Variants in PPIP5K2 observed in about 807,000 individuals in gnomAD.
PPIP5K2 encodes the protein inositol hexakisphosphate and diphosphoinositol-pentakisphosphate kinase 2.
A neutral mutation model predicts 154.6 loss-of-function variants in PPIP5K2; 105 were observed. The observed-to-expected ratio is 0.68, with a 90% CI of 0.58 to 0.80. The LOEUF is 0.80. Ranked by LOEUF, PPIP5K2 falls within the 30% of genes least tolerant of loss-of-function variation. PPIP5K2 has a pLI of 0.00. For synonymous variants in PPIP5K2, 480 were observed against 490.3 expected, an observed-to-expected ratio of 0.98 and a Z score of 0.28; for missense variants, 992 against 1,504.6, an observed-to-expected ratio of 0.66 and a Z score of 5.64.
chr5:103,120,556 CT>C (rs1168339163), intron 1 of PPIP5K2, 68 bp downstream of exon 1: 6 of 455,838 alleles, frequency 1.3e-5, no homozygotes, highest in Non-Finnish European at 2.2e-5. Flanking sequence ...GAGGCGGCTG[CT>C]GGGCTTCTGC....
chr5:103,150,843 CTTTTTTTTTT>C (rs377739666), intron 8 of PPIP5K2, among the ~76,000 whole-genome samples: 1 of 68,064 alleles, frequency 1.5e-5, no homozygotes, highest in Non-Finnish European at 2.7e-5. Flanking sequence ...GTCCATCCTC[CTTTTTTTTTT>C]TTTTTTTTTT....
rs1803786114 is a variant in PPIP5K2, at chr5:103,211,116, T to C, written c.*9482T>C. The C allele has an allele frequency of 6.6e-6, 1 of 152,088 alleles. No homozygotes were observed. The highest frequency in any genetic ancestry group is 2.4e-5 in the African/African-American group (1 of 41,436). The allele number at this position is 152,088 out of a possible 1,614,324, so 9.4% of individuals were successfully genotyped here. On this transcript the variant is annotated 3_prime_UTR_variant, in exon 31 of 31. Coordinates refer to ENST00000358359, the MANE Select transcript of PPIP5K2 (RefSeq NM_001276277.3). ...TTTAAACTGACATCTGTAAAACTAA[T>C]CTGTAAAGTGAGATCTGGGTTCTGA...
At chr5:103,181,899 A>G (rs1328197495) in intron 24 of PPIP5K2, among the ~76,000 whole-genome samples, 1 of 152,168 alleles carries the variant, frequency 6.6e-6, no homozygotes, top group African/African-American at 2.4e-5. Flanking sequence ...TAACTTTATA[A>G]TGGAAATCAT....
intron 17 of PPIP5K2, among the ~76,000 whole-genome samples, chr5:103,164,231 A>T (rs1796790069): frequency 6.6e-6 from 1 of 151,836 alleles, no homozygotes; most frequent in South Asian, 2.1e-4. Flanking sequence ...TTCTTTCATA[A>T]CATTATACTT....
intron 5 of PPIP5K2, among the ~76,000 whole-genome samples, chr5:103,142,348 C>G (rs1163335631): frequency 2.6e-5 from 4 of 152,196 alleles, no homozygotes; most frequent in Non-Finnish European, 5.9e-5. Context: ...AAGCCCAAGC[C>G]CACGCCCACC....
In PPIP5K2 at chr5:103,209,882, G is replaced by T. The variant is rs1277267673; in HGVS notation, c.*8248G>T. 3 of 152,024 alleles carry T rather than the reference G, an allele frequency of 2.0e-5. No individual in the cohort carries two copies. The highest frequency in any genetic ancestry group is 4.4e-5 in the Non-Finnish European group (3 of 68,006). The allele number at this position is 152,024 out of a possible 1,614,324, so 9.4% of individuals were successfully genotyped here. A position where few individuals can be genotyped will look rare whatever the true frequency, so the allele number is the denominator to read the frequency against. ...ATCGCTGATGTGTGGGGAATAAATT[G>T]GAAGTCATATCATTACGACTTTTTT... is the stretch of plus-strand genomic sequence containing the variant. On this transcript the variant is annotated 3_prime_UTR_variant, in exon 31 of 31. Coordinates refer to ENST00000358359, the MANE Select transcript of PPIP5K2 (RefSeq NM_001276277.3).
Position 103,138,488 on chromosome 5 carries a change from A to G in PPIP5K2, c.487+19A>G. On this transcript the variant is annotated intron_variant, in intron 5 of 30. Coordinates refer to ENST00000358359, the MANE Select transcript of PPIP5K2 (RefSeq NM_001276277.3). ...CCCAAAGGTAAGAGTAAGAGATTTTAGGTAAGCTTCCTTTGCCACTTGACA... is the reference window on the plus strand; with the variant it reads ...CCCAAAGGTAAGAGTAAGAGATTTTGGGTAAGCTTCCTTTGCCACTTGACA... The G allele has an allele frequency of 6.5e-7, 1 of 1,526,900 alleles. No individual in the cohort carries two copies. The highest frequency in any genetic ancestry group is 9.0e-7 in the Non-Finnish European group (1 of 1,109,500). The allele number at this position is 1,526,900 out of a possible 1,614,324, so 94.6% of individuals were successfully genotyped here.
At chr5:103,133,330 G>C in intron 2 of PPIP5K2, 123 bp from the exon 3 acceptor site, 1 of 624,548 alleles carries the variant, frequency 1.6e-6, no homozygotes, top group Non-Finnish European at 2.5e-6. Flanking sequence ...TCCTTTGTTT[G>C]TTAATGTGTC....
chr5:103,150,276 A>G (rs1192639089), intron 8 of PPIP5K2, among the ~76,000 whole-genome samples: 3 of 152,210 alleles, frequency 2.0e-5, no homozygotes, highest in African/African-American at 7.2e-5. Context: ...AGCTTTATAG[A>G]AATCCTTTTA....
intron 21 of PPIP5K2, among the ~76,000 whole-genome samples, chr5:103,175,900 A>T (rs1177114798): frequency 2.0e-5 from 3 of 152,122 alleles, no homozygotes; most frequent in African/African-American, 7.2e-5. Flanking sequence ...ACATGTATTT[A>T]CTAAGATGAA....
At position 103,207,790 on chromosome 5, in the gene PPIP5K2, G is replaced by C. The variant is rs1327345090; in HGVS notation, c.*6156G>C. The C allele has an allele frequency of 1.3e-5, 2 of 151,848 alleles. No homozygotes were observed. The highest frequency in any genetic ancestry group is 2.9e-5 in the Non-Finnish European group (2 of 67,962). 9.4% of individuals were successfully genotyped at this position (151,848 alleles called of 1,614,324 possible). ...TTCTTTATGAACTCTATTTCCTTAAGTTCTTTGAGTTATGACAGTATATTT... is the reference window on the plus strand; with the variant it reads ...TTCTTTATGAACTCTATTTCCTTAACTTCTTTGAGTTATGACAGTATATTT... On this transcript the variant is annotated 3_prime_UTR_variant, in exon 31 of 31. Coordinates refer to ENST00000358359, the MANE Select transcript of PPIP5K2 (RefSeq NM_001276277.3).
intron 6 of PPIP5K2, among the ~76,000 whole-genome samples, chr5:103,147,512 C>T (rs935621553): frequency 1.8e-4 from 28 of 151,858 alleles, no homozygotes; most frequent in African/African-American, 6.8e-4. Context: ...ACATGTTTGC[C>T]GTTGGGACAC....
chr5:103,191,165 C>G, intron 29 of PPIP5K2, 183 bp downstream of exon 29: 1 of 443,574 alleles, frequency 2.3e-6, no homozygotes, highest in African/African-American at 2.0e-5. Context: ...CTTTTTTTTA[C>G]TCTGCCAAAA....
Position 103,168,175 on chromosome 5 carries a change from A to G in PPIP5K2, c.2166A>G (p.Lys722=), listed in dbSNP as rs782302577. The G allele has an allele frequency of 1.2e-6, 2 of 1,608,338 alleles. No individual in the cohort carries two copies. Among genetic ancestry groups the G allele is most frequent in the Admixed American group, 3.3e-5 (2 of 59,782 alleles). Residue 722 remains lysine, a synonymous_variant, in exon 19 of 31, where the codon AAA becomes AAG. Coordinates refer to ENST00000358359, the MANE Select transcript of PPIP5K2 (RefSeq NM_001276277.3). ...KTKNGRYDIS[K]IPDIYDCIKY... ...AGAATGGAAGATATGATATTAGTAA[A>G]ATCCCTGACATATATGACTGTATAA...
At chr5:103,128,052 A>C (rs1372553630) in intron 1 of PPIP5K2, among the ~76,000 whole-genome samples, 1 of 152,196 alleles carries the variant, frequency 6.6e-6, no homozygotes, top group Non-Finnish European at 1.5e-5. Context: ...TAAATTACAA[A>C]TTATTTTAAA....
chr5:103,138,918 A>G (rs1019804966), intron 5 of PPIP5K2, among the ~76,000 whole-genome samples: 1 of 152,236 alleles, frequency 6.6e-6, no homozygotes, highest in Admixed American at 6.5e-5. Context: ...CATGGAATAA[A>G]CATGAATTGA....
At chr5:103,173,376 G>A (rs2149703389) in intron 20 of PPIP5K2, 94 bp downstream of exon 20, 2 of 1,350,934 alleles carry the variant, frequency 1.5e-6, no homozygotes, top group Non-Finnish European at 1.0e-6. Context: ...GAAGTCAGAA[G>A]TGTGTCATTG....
At chr5:103,172,860 A>G (rs1308807221) in intron 19 of PPIP5K2, among the ~76,000 whole-genome samples, 1 of 151,716 alleles carries the variant, frequency 6.6e-6, no homozygotes, top group Non-Finnish European at 1.5e-5. Context: ...TTGTTTTTAC[A>G]TTTAAAACCA....
chr5:103,183,177 T>C (rs1399735002), intron 24 of PPIP5K2, 57 bp from the exon 25 acceptor site: 4 of 265,506 alleles, frequency 1.5e-5, no homozygotes, highest in African/African-American at 6.3e-5. Flanking sequence ...CATGCTCTGC[T>C]TTTTTTTTTT....
Sources: gnomAD v4.1 joint callset for allele counts (sites outside exome capture counted in the v4.1 genomes callset) on GRCh38, gnomAD v4.1.1 for gene constraint, MANE v1.5 for transcripts, NCBI Gene and HGNC (gene_info 2026-07-23, HGNC 2026-07-21) for gene names.